The following PDE10A variants were observed in gnomAD, a reference collection of about 807,000 sequenced individuals.
PDE10A encodes the protein phosphodiesterase 10A.
A neutral mutation model predicts 97.7 loss-of-function variants in PDE10A; 39 were observed. That is an observed-to-expected ratio of 0.40 (90% CI 0.31 to 0.52). The LOEUF (loss-of-function observed/expected upper bound fraction) is 0.52. Among genes scored for constraint, PDE10A ranks in the 20% least tolerant of loss-of-function variants. The pLI is 0.56. For missense variants in PDE10A, 731 were observed against 1,047.8 expected (o/e 0.70, Z 4.17); for synonymous variants, 371 against 376.8 (o/e 0.98, Z 0.18).
chr6:165,341,043 T>C (rs1331997219), intron 19 of PDE10A, among the ~76,000 whole-genome samples: 1 of 152,194 alleles, frequency 6.6e-6, no homozygotes, highest in Non-Finnish European at 1.5e-5. Flanking sequence ...TTCTAAAAGG[T>C]AATGGCAAGG....
chr6:165,784,731 G>A (rs2128462420), intron 1 of PDE10A, among the ~76,000 whole-genome samples: 1 of 152,284 alleles, frequency 6.6e-6, no homozygotes, highest in Admixed American at 6.5e-5. Context: ...ACTGAGACAA[G>A]CTAGATGGAA....
chr6:165,662,185 G>T lies in PDE10A; in HGVS notation c.627C>A (p.Ala209=). Residue 209 remains alanine (A), a synonymous_variant, in exon 1 of 22, where the codon GCC becomes GCA. Transcript: ENST00000539869. ...GGGGCGGCGGCGGCGGCCGGGGACC[G>T]GCACGGGCTGGAAGCAGCAAGCCCT... is the stretch of plus-strand genomic sequence containing the variant. The part of the protein sequence containing the change: ...ALQGLLLPAR[A]GPRPPPPPRL... The T allele has an allele frequency of 8.4e-6, 2 of 239,078 alleles. No individual in the cohort carries two copies. The highest frequency in any genetic ancestry group is 1.4e-4 in the South Asian group (1 of 7,130). The allele number at this position is 239,078 out of a possible 1,614,324, so 14.8% of individuals were successfully genotyped here.
At chr6:165,902,873 G>C (rs117719621) in intron 1 of PDE10A, among the ~76,000 whole-genome samples, 1 of 152,230 alleles carries the variant, frequency 6.6e-6, no homozygotes, top group Non-Finnish European at 1.5e-5. Flanking sequence ...TCCTGGGTAC[G>C]TGAAGGAAAG....
At chr6:165,755,545 C>T (rs1456137721) in intron 1 of PDE10A, among the ~76,000 whole-genome samples, 3 of 152,122 alleles carry the variant, frequency 2.0e-5, no homozygotes, top group African/African-American at 4.8e-5. Flanking sequence ...TCTTTATTAT[C>T]AAATAAGCGT....
intron 1 of PDE10A, among the ~76,000 whole-genome samples, chr6:165,732,372 G>T (rs543972532): frequency 6.4e-4 from 97 of 152,300 alleles, no homozygotes; most frequent in Non-Finnish European, 1.1e-3. Context: ...GACCCTGGGG[G>T]CAGGTGGCCG....
chr6:165,549,545 C>T (rs953719475), intron 1 of PDE10A, among the ~76,000 whole-genome samples: 20 of 152,126 alleles, frequency 1.3e-4, no homozygotes. Flanking sequence ...GGGATGGTCT[C>T]GATCTCCTGA....
chr6:165,860,504 C>T (rs2934845), intron 1 of PDE10A, among the ~76,000 whole-genome samples: 100,495 of 151,966 alleles, frequency 0.66, 33,791 homozygotes, highest in East Asian at 0.93. Context: ...AAACCAGATA[C>T]CCTGGGCAAA....
At chr6:165,417,089 G>T (rs1425304059) in intron 11 of PDE10A, among the ~76,000 whole-genome samples, 2 of 152,022 alleles carry the variant, frequency 1.3e-5, no homozygotes, top group South Asian at 2.1e-4. Flanking sequence ...TTATTACATT[G>T]TCAACATTAT....
intron 3 of PDE10A, among the ~76,000 whole-genome samples, chr6:165,474,867 C>G (rs1421100896): frequency 6.6e-6 from 1 of 152,054 alleles, no homozygotes; most frequent in Admixed American, 6.6e-5. Flanking sequence ...AAGTGCCTGA[C>G]ATTGAGATCG....
chr6:165,361,330 A>C (rs544362059), intron 18 of PDE10A, among the ~76,000 whole-genome samples: 23 of 152,346 alleles, frequency 1.5e-4, no homozygotes, highest in Non-Finnish European at 3.4e-4. Context: ...ATTAGATTTA[A>C]AAGAATAAAA....
intron 1 of PDE10A, among the ~76,000 whole-genome samples, chr6:165,761,769 T>C (rs1793256900): frequency 6.6e-6 from 1 of 151,950 alleles, no homozygotes; most frequent in African/African-American, 2.4e-5. Flanking sequence ...AAAAGAAATA[T>C]CACTTTTCAA....
At chr6:165,940,307 A>C (rs895901862) in intron 1 of PDE10A, 1 of 152,268 alleles carries the variant, frequency 6.6e-6, no homozygotes, top group African/African-American at 2.4e-5. Context: ...ACGTGGAAAA[A>C]GGAGGACTGT....
intron 1 of PDE10A, among the ~76,000 whole-genome samples, chr6:165,844,738 G>C (rs1780359979): frequency 6.6e-6 from 1 of 152,218 alleles, no homozygotes; most frequent in East Asian, 1.9e-4. Context: ...CATAATTTAA[G>C]GAGGTTGAAA....
intron 1 of PDE10A, among the ~76,000 whole-genome samples, chr6:165,550,590 A>G (rs1230061676): frequency 6.6e-6 from 1 of 152,244 alleles, no homozygotes; most frequent in Non-Finnish European, 1.5e-5. Context: ...AAGATTATTG[A>G]TGGGCATTGC....
chr6:165,674,192 C>A (rs996410947), intron 1 of PDE10A, among the ~76,000 whole-genome samples: 1 of 152,178 alleles, frequency 6.6e-6, no homozygotes, highest in African/African-American at 2.4e-5. Context: ...TGCCGAACTT[C>A]ATTTTCCATC....
intron 1 of PDE10A, among the ~76,000 whole-genome samples, chr6:165,811,460 C>T (rs1779281434): frequency 6.6e-6 from 1 of 152,234 alleles, no homozygotes; most frequent in Non-Finnish European, 1.5e-5. Context: ...TCCCTTTCCC[C>T]TGAATAAACA....
intron 1 of PDE10A, among the ~76,000 whole-genome samples, chr6:165,771,030 C>T (rs1047652013): frequency 2.4e-4 from 37 of 152,206 alleles, no homozygotes; most frequent in African/African-American, 8.9e-4. Context: ...GTGACAGTTA[C>T]TGCCATTGCA....
intron 1 of PDE10A, among the ~76,000 whole-genome samples, chr6:165,917,274 G>A (rs1434955480): frequency 6.6e-6 from 1 of 151,876 alleles, no homozygotes; most frequent in Non-Finnish European, 1.5e-5. Context: ...CCGAGGCCAG[G>A]GCTGAGCCAC....
At chr6:165,415,335 A>G (rs766238499) in intron 12 of PDE10A, among the ~76,000 whole-genome samples, 1 of 152,202 alleles carries the variant, frequency 6.6e-6, no homozygotes, top group Non-Finnish European at 1.5e-5. Flanking sequence ...AAATAACTGA[A>G]TAAACTTCCT....
Sources: gnomAD v4.1 joint callset for allele counts (sites outside exome capture counted in the v4.1 genomes callset) on GRCh38, gnomAD v4.1.1 for gene constraint, MANE v1.5 for transcripts, NCBI Gene and HGNC (gene_info 2026-07-23, HGNC 2026-07-21) for gene names.